KHDRBS3: variants seen among roughly 807,000 people sequenced by gnomAD.
KHDRBS3 encodes KH RNA binding domain containing, signal transduction associated 3, also known as KH domain-containing, RNA-binding, signal transduction-associated protein 3.
KHDRBS3 carries 23 observed loss-of-function variants against 45.6 expected under a neutral mutation model. The ratio of observed to expected loss-of-function variants is 0.50; its 90% CI spans 0.36 to 0.72. The LOEUF is 0.72. KHDRBS3 is among the 30% of genes least tolerant of loss of function. The pLI is 0.00. For synonymous variants in KHDRBS3, 162 were observed against 156.5 expected, an observed-to-expected ratio of 1.04 and a Z score of -0.26; for missense variants, 352 against 424.8, an observed-to-expected ratio of 0.83 and a Z score of 1.51.
chr8:135,633,602 A>C (rs1403007747), intron 7 of KHDRBS3, among the ~76,000 whole-genome samples: 1 of 152,206 alleles, frequency 6.6e-6, no homozygotes, highest in African/African-American at 2.4e-5. Context: ...AAATAAAACC[A>C]GTTTCTTTTT....
At chr8:135,558,960 T>G (rs1827031171) in intron 5 of KHDRBS3, among the ~76,000 whole-genome samples, 1 of 152,172 alleles carries the variant, frequency 6.6e-6, no homozygotes, top group African/African-American at 2.4e-5. Context: ...CATTCCTTGA[T>G]TTGTAGGCAC....
intron 1 of KHDRBS3, among the ~76,000 whole-genome samples, chr8:135,507,884 A>G (rs749367718): frequency 1.8e-4 from 28 of 152,172 alleles, no homozygotes; most frequent in African/African-American, 6.8e-4. Context: ...ATCATGAGTA[A>G]ATCTAAGTGA....
chr8:135,563,719 C>T (rs1827273939), intron 5 of KHDRBS3, among the ~76,000 whole-genome samples: 1 of 152,190 alleles, frequency 6.6e-6, no homozygotes, highest in Admixed American at 6.5e-5. Context: ...ATCTTATTTG[C>T]CACAGGACTG....
intron 1 of KHDRBS3, among the ~76,000 whole-genome samples, chr8:135,519,680 C>G (rs1824806757): frequency 6.6e-6 from 1 of 152,190 alleles, no homozygotes; most frequent in Non-Finnish European, 1.5e-5. Context: ...TTTCTAATTG[C>G]AAAGACAATT....
intron 6 of KHDRBS3, among the ~76,000 whole-genome samples, chr8:135,593,668 G>A (rs13261679): frequency 0.77 from 116,724 of 151,882 alleles, 45,106 homozygotes; most frequent in East Asian, 0.96. Flanking sequence ...TATAGAGACA[G>A]GGTCTCACTT....
At chr8:135,532,597 T>C (rs1563748194) in intron 2 of KHDRBS3, among the ~76,000 whole-genome samples, 1 of 152,286 alleles carries the variant, frequency 6.6e-6, no homozygotes, top group East Asian at 1.9e-4. Flanking sequence ...CGAGGCATTA[T>C]TCTAAGCACT....
chr8:135,458,823 A>G, intron 1 of KHDRBS3: 1 of 455,174 alleles, frequency 2.2e-6, no homozygotes, highest in South Asian at 1.6e-5. Flanking sequence ...TCAGGGATAC[A>G]GAGATTTCTG....
chr8:135,581,819 G>A lies in KHDRBS3; in HGVS notation c.612-59G>A, dbSNP rs1586754441. 2.6e-5 allele frequency: 32 copies of A among 1,247,752 alleles called. 1 individual carries two copies. The East Asian group carries it at 8.4e-4, about 33-fold the overall frequency. The allele number at this position is 1,247,752 out of a possible 1,614,324, so 77.3% of individuals were successfully genotyped here. ...TTGTTTCTGAGGTATAAATATATGT[G>A]AATAACAGAATGTTAGAGACTATGA... On this transcript the variant is annotated intron_variant, in intron 5 of 8. Transcript: ENST00000355849.
chr8:135,610,991 A>C (rs1234187363), intron 7 of KHDRBS3, among the ~76,000 whole-genome samples: 1 of 151,930 alleles, frequency 6.6e-6, no homozygotes, highest in Non-Finnish European at 1.5e-5. Context: ...TGAAGGCTGG[A>C]TTGGCAGATG....
At chr8:135,494,026 T>G (rs1005900663) in intron 1 of KHDRBS3, among the ~76,000 whole-genome samples, 1 of 152,132 alleles carries the variant, frequency 6.6e-6, no homozygotes. Flanking sequence ...TCAAATTTAT[T>G]GGTGCATAAC....
In KHDRBS3 at chr8:135,647,231, C is replaced by T. The variant is rs1831329038; in HGVS notation, c.*147C>T. 7.4e-6 allele frequency: 2 copies of T among 270,148 alleles called. No individual in the cohort carries two copies. 16.7% of individuals were successfully genotyped at this position (270,148 alleles called of 1,614,324 possible). The stretch of plus-strand genomic sequence containing the variant: ...GGAACTTAAAACTACTTTGTTGAAA[C>T]ATCAACCTGGGCAGAAAAAAAAAAA... On this transcript the variant is annotated 3_prime_UTR_variant, in exon 9 of 9. Transcript: ENST00000355849.
chr8:135,518,170 TTTG>T (rs562034031), intron 1 of KHDRBS3, among the ~76,000 whole-genome samples: 9 of 152,142 alleles, frequency 5.9e-5, no homozygotes, highest in Non-Finnish European at 8.8e-5. Context: ...TTTGTTTTTT[TTTG>T]TTGTTGTTGT....
chr8:135,638,248 G>A (rs979288620), intron 7 of KHDRBS3, among the ~76,000 whole-genome samples: 22 of 152,206 alleles, frequency 1.4e-4, no homozygotes, highest in African/African-American at 5.3e-4. Context: ...GCAGGGTAAT[G>A]GTGTTGGATC....
chr8:135,585,462 C>G (rs1448485532), intron 6 of KHDRBS3, among the ~76,000 whole-genome samples: 1 of 151,976 alleles, frequency 6.6e-6, no homozygotes, highest in Non-Finnish European at 1.5e-5. Flanking sequence ...GGCACTCTCC[C>G]CCTGCCTCCC....
chr8:135,607,021 A>G lies in KHDRBS3; in HGVS notation c.874A>G (p.Ser292Gly). The change falls in exon 7 of 9, where the codon AGC becomes GGC. Residue 292 changes from serine (S) to glycine (G), a missense_variant. By Grantham distance (56) the Ser-to-Gly change is moderately conservative (BLOSUM62 0). Transcript: ENST00000355849. The stretch of plus-strand genomic sequence containing the variant: ...TTATGATTCCTATGATAACAGCTAT[A>G]GCACCCCAGCCCAAAGGTAAGAGTC... ...QSYDSYDNSYSTPAQSGADYY... is the reference protein window; with the variant it reads ...QSYDSYDNSYGTPAQSGADYY... The G allele has an allele frequency of 6.2e-7, 1 of 1,613,250 alleles. No individual in the cohort carries two copies. Among genetic ancestry groups the G allele is most frequent in the South Asian group, 1.1e-5 (1 of 90,916 alleles).
intron 1 of KHDRBS3, among the ~76,000 whole-genome samples, chr8:135,508,534 C>G (rs6982242): frequency 0.13 from 19,266 of 152,084 alleles, 2,546 homozygotes; most frequent in African/African-American, 0.34. Flanking sequence ...GGTAGCTGGT[C>G]TTTTGCAGTA....
At chr8:135,542,447 A>G (rs965700320) in intron 2 of KHDRBS3, 1 of 488,414 alleles carries the variant, frequency 2.0e-6, no homozygotes, top group Non-Finnish European at 3.6e-6. Context: ...AATAAATATA[A>G]AGAAATATAT....
At chr8:135,497,500 A>G (rs1823516891) in intron 1 of KHDRBS3, among the ~76,000 whole-genome samples, 1 of 152,184 alleles carries the variant, frequency 6.6e-6, no homozygotes, top group Admixed American at 6.5e-5. Flanking sequence ...TATCACAAGC[A>G]TCACAAGCAT....
rs1563802088 is a variant in KHDRBS3 at position 135,606,962 on chromosome 8, A to G, written c.815A>G (p.Asp272Gly). 8 of 1,612,284 alleles carry G rather than the reference A, an allele frequency of 5.0e-6. No individual in the cohort carries two copies. The East Asian group carries it at 6.7e-5, about 13-fold the overall frequency. Reference sequence around the variant, plus strand: ...TCTCCTGTTATGTTTTAGGACTATGATGATGGATATGGCACTGCTTATGAT... The same window carrying G: ...TCTCCTGTTATGTTTTAGGACTATGGTGATGGATATGGCACTGCTTATGAT... ...TQETYGEYDY[D>G]DGYGTAYDEQ... Residue 272 changes from aspartate to glycine, a missense_variant, in exon 7 of 9, where the codon GAT (aspartate) becomes GGT (glycine). Asp to Gly is a moderately conservative substitution (Grantham distance 94). Around this residue, in one of 6 missense-constraint regions of KHDRBS3, gnomAD observed 212 missense variants for 209.6 expected, o/e 1.01. Transcript: ENST00000355849.
Sources: allele counts gnomAD v4.1 joint callset (sites outside exome capture counted in the v4.1 genomes callset), GRCh38; gene constraint gnomAD v4.1.1; regional missense constraint gnomAD v4.1.1; transcripts MANE v1.5; gene names NCBI Gene and HGNC (gene_info 2026-07-23, HGNC 2026-07-21).